The following ASB18 variants were observed in gnomAD, a reference collection of about 807,000 sequenced individuals.
The protein encoded by ASB18 is ankyrin repeat and SOCS box protein 18.
Under a neutral mutation model 33.4 loss-of-function variants are expected in ASB18, and 33 were observed. That is an observed-to-expected ratio of 0.99 (90% confidence interval 0.75 to 1.32). ASB18 has a LOEUF of 1.32. Among genes scored for constraint, ASB18 ranks in the 40% most tolerant of loss-of-function variants. The pLI, the probability that ASB18 is intolerant of heterozygous loss-of-function variation, is 0.00. For missense variants in ASB18, 694 were observed against 655.5 expected, an observed-to-expected ratio of 1.06 and a Z score of -0.64; for synonymous variants, 295 against 307.6, an observed-to-expected ratio of 0.96 and a Z score of 0.43.
rs2060502161 is a variant in ASB18 at position 236,219,677 on chromosome 2, G to C, written c.597-4811C>G. The stretch of plus-strand genomic sequence containing the variant: ...TGTTTGTCATTTCATTGCCTTCTCT[G>C]TATCAATGCCACCAGTGGAAGAAGA... On this transcript the variant is annotated intron_variant, in intron 3 of 5. Coordinates refer to ENST00000409749, the MANE Select transcript of ASB18 (RefSeq NM_212556.4). The surrounding 1 kb of genome is among the most constrained non-coding windows in gnomAD (Gnocchi z 6.4). Among the ~76,000 whole-genome samples, 1 of 152,182 alleles carries C rather than the reference G, an allele frequency of 6.6e-6. No individual in the cohort carries two copies. The highest frequency in any genetic ancestry group is 2.4e-5 in the African/African-American group (1 of 41,446).
chr2:236,218,642 C>CA (rs2060498489), intron 3 of ASB18, among the ~76,000 whole-genome samples: 1 of 151,602 alleles, frequency 6.6e-6, no homozygotes. Context: ...ACTAAAAATA[C>CA]AAAAAATTAG....
Position 236,231,590 on chromosome 2 carries a change from T to C in ASB18, c.596+6099A>G, listed in dbSNP as rs2060565583. ...TTGGACTTCCCAGCCTCCAGGACTG[T>C]GAGAAATACATTTTTATTATCATCA... On this transcript the variant is annotated intron_variant, in intron 3 of 5. Coordinates refer to ENST00000409749, the MANE Select transcript of ASB18 (RefSeq NM_212556.4). This position sits in a 1 kb window ranked among gnomAD's most constrained non-coding sequence, Gnocchi z 5.5. 6.6e-6 allele frequency among the ~76,000 whole-genome samples: 1 copy of C among 152,188 alleles called. No homozygotes were observed. Among genetic ancestry groups the C allele is most frequent in the Non-Finnish European group, 1.5e-5 (1 of 68,040 alleles).
rs1216549144 is a variant in ASB18 at position 236,235,369 on chromosome 2, G to A, written c.596+2320C>T. Among the ~76,000 whole-genome samples, 3 of 152,232 alleles carry A rather than the reference G, an allele frequency of 2.0e-5. No individual in the cohort carries two copies. The highest frequency in any genetic ancestry group is 6.5e-5 in the Admixed American group (1 of 15,286). On this transcript the variant is annotated intron_variant, in intron 3 of 5. Transcript: ENST00000409749. The surrounding 1 kb of genome is among the most constrained non-coding windows in gnomAD (Gnocchi z 6.2). ...CTTAATCATATAGCCTAGGTGGGCA[G>A]TAGGCTATGCCATCCTGGTTTGTGT...
At position 236,204,605 on chromosome 2, in the gene ASB18, T is replaced by C. The variant is rs201349959; in HGVS notation, c.1102-8220A>G. Reference sequence around the variant, plus strand: ...GGGCTTCGATATCCAGCTGCTTACATTGTAGCTACACCTGGCTGTATCCCA... The same window carrying C: ...GGGCTTCGATATCCAGCTGCTTACACTGTAGCTACACCTGGCTGTATCCCA... On this transcript the variant is annotated intron_variant, in intron 4 of 5. Coordinates refer to ENST00000409749, the MANE Select transcript of ASB18 (RefSeq NM_212556.4). This position sits in a 1 kb window ranked among gnomAD's most constrained non-coding sequence, Gnocchi z 5.1. Among the ~76,000 whole-genome samples the C allele has an allele frequency of 5.3e-5, 8 of 152,310 alleles. No homozygotes were observed. In the East Asian group the frequency reaches 1.4e-3, roughly 26 times the overall value.
At chr2:236,242,625 A>AT (rs750746306) in intron 1 of ASB18, among the ~76,000 whole-genome samples, 1 of 151,630 alleles carries the variant, frequency 6.6e-6, no homozygotes, top group African/African-American at 2.4e-5. Context: ...CGCCCTGCTA[A>AT]TTTTTTTTTA....
chr2:236,214,878 C>T lies in ASB18; in HGVS notation c.597-12G>A, dbSNP rs536010190. 39 of 1,209,898 alleles carry T rather than the reference C, an allele frequency of 3.2e-5. No homozygotes were observed. The African/African-American group carries it at 6.0e-4, about 19-fold the overall frequency. The allele number at this position is 1,209,898 out of a possible 1,614,324, so 74.9% of individuals were successfully genotyped here. On this transcript the variant is annotated splice_polypyrimidine_tract_variant and intron_variant, in intron 3 of 5. Transcript: ENST00000409749. This position sits in a 1 kb window ranked among gnomAD's most constrained non-coding sequence, Gnocchi z 6.5. ...GCGCCTGCGCGCACCTGTGGGAAGCCAGGGCCTGTCACTCGGGCGCCACGC... is the reference window on the plus strand; with the variant it reads ...GCGCCTGCGCGCACCTGTGGGAAGCTAGGGCCTGTCACTCGGGCGCCACGC...
rs183905935 is a variant in ASB18 at position 236,251,862 on chromosome 2, A to G, written c.206-10460T>C. Among the ~76,000 whole-genome samples the G allele has an allele frequency of 2.0e-5, 3 of 152,342 alleles. No homozygotes were observed. Among genetic ancestry groups the G allele is most frequent in the East Asian group, 3.9e-4 (2 of 5,188 alleles). Reference sequence around the variant, plus strand: ...AGTTTTTGAAGAGTTCAGTGACACTAATCCTCTCCCAGTTTGCAGGTGGGA... The same window carrying G: ...AGTTTTTGAAGAGTTCAGTGACACTGATCCTCTCCCAGTTTGCAGGTGGGA... On this transcript the variant is annotated intron_variant, in intron 1 of 5. Coordinates refer to ENST00000409749, the MANE Select transcript of ASB18 (RefSeq NM_212556.4). The surrounding 1 kb of genome is among the most constrained non-coding windows in gnomAD (Gnocchi z 5.3).
intron 4 of ASB18, among the ~76,000 whole-genome samples, chr2:236,199,701 A>G (rs2060390768): frequency 6.6e-6 from 1 of 151,898 alleles, no homozygotes; most frequent in Admixed American, 6.6e-5. Flanking sequence ...TCTCTTAATA[A>G]ATTTGGTTTA....
At chr2:236,243,934 C>A (rs1368992032) in intron 1 of ASB18, among the ~76,000 whole-genome samples, 1 of 152,102 alleles carries the variant, frequency 6.6e-6, no homozygotes, top group African/African-American at 2.4e-5. Flanking sequence ...TCCAGCGATT[C>A]TCTTGCCTCA....
In ASB18 at chr2:236,234,122, T is replaced by G. The variant is rs1487419366; in HGVS notation, c.596+3567A>C. On this transcript the variant is annotated intron_variant, in intron 3 of 5. Transcript: ENST00000409749. This position sits in a 1 kb window ranked among gnomAD's most constrained non-coding sequence, Gnocchi z 4.1. ...TGGCACCTTGGTGACCCTGCACATA[T>G]CCACATAGGCCACAAAGCAAAACTG... Among the ~76,000 whole-genome samples the G allele has an allele frequency of 2.0e-5, 3 of 152,214 alleles. No homozygotes were observed. The highest frequency in any genetic ancestry group is 7.2e-5 in the African/African-American group (3 of 41,454).
In ASB18 at chr2:236,204,909, C is replaced by T. The variant is rs145976863; in HGVS notation, c.1102-8524G>A. 1.8e-3 allele frequency among the ~76,000 whole-genome samples: 267 copies of T among 152,308 alleles called. No homozygotes were observed. Among genetic ancestry groups the T allele is most frequent in the Admixed American group, 5.5e-3 (84 of 15,294 alleles). On this transcript the variant is annotated intron_variant, in intron 4 of 5. Transcript: ENST00000409749. The surrounding 1 kb of genome is among the most constrained non-coding windows in gnomAD (Gnocchi z 5.1). The stretch of plus-strand genomic sequence containing the variant: ...CAGTCTCTTGGGCTAGAATCAGAGT[C>T]GTCCATTGCTCCTGTTTCTCCTACA...
Position 236,217,424 on chromosome 2 carries a change from A to AAAAAAAAAAAAT in ASB18, c.597-2559_597-2558insATTTTTTTTTTT, listed in dbSNP as rs1553600511. On this transcript the variant is annotated intron_variant, in intron 3 of 5. Coordinates refer to ENST00000409749, the MANE Select transcript of ASB18 (RefSeq NM_212556.4). This position sits in a 1 kb window ranked among gnomAD's most constrained non-coding sequence, Gnocchi z 5.2. Reference sequence around the variant, plus strand: ...CGAGACTCTGTCTCAAAAAAAAAAAAAAATAAATCTTGGCACCTTCAACTC... The same window carrying AAAAAAAAAAAAT: ...CGAGACTCTGTCTCAAAAAAAAAAAAAAAAAAAAAAATAAATAAATCTTGGCACCTTCAACTC... Among the ~76,000 whole-genome samples the AAAAAAAAAAAAT allele has an allele frequency of 6.7e-6, 1 of 150,306 alleles. No homozygotes were observed. Among genetic ancestry groups the AAAAAAAAAAAAT allele is most frequent in the African/African-American group, 2.5e-5 (1 of 40,404 alleles).
At chr2:236,202,395 G>GTTTTT (rs3033899) in intron 4 of ASB18, among the ~76,000 whole-genome samples, 20 of 151,566 alleles carry the variant, frequency 1.3e-4, no homozygotes, top group Non-Finnish European at 2.8e-4. Context: ...TATTCTTTTT[G>GTTTTT]TTTTCTGCTT....
chr2:236,203,887 C>CCAAGCAACCAACCAAT lies in ASB18; in HGVS notation c.1102-7503_1102-7502insATTGGTTGGTTGCTTG, dbSNP rs1553599332. ...CTCTCAAAAACCAAACCAAACCAAA[C>CCAAGCAACCAACCAAT]CAACCAACCAACCAACCAACCAACC... is the stretch of plus-strand genomic sequence containing the variant. On this transcript the variant is annotated intron_variant, in intron 4 of 5. Transcript: ENST00000409749. This position sits in a 1 kb window ranked among gnomAD's most constrained non-coding sequence, Gnocchi z 6.0. Among the ~76,000 whole-genome samples, 3 of 151,156 alleles carry CCAAGCAACCAACCAAT rather than the reference C, an allele frequency of 2.0e-5. No individual in the cohort carries two copies. The highest frequency in any genetic ancestry group is 7.3e-5 in the African/African-American group (3 of 40,898).
rs1194530525 is a variant in ASB18, at chr2:236,253,023, G to A, written c.205+11118C>T. On this transcript the variant is annotated intron_variant, in intron 1 of 5. Transcript: ENST00000409749. This position sits in a 1 kb window ranked among gnomAD's most constrained non-coding sequence, Gnocchi z 5.4. The stretch of plus-strand genomic sequence containing the variant: ...ATCTCTGTTCCAGAGCTGCCCCTGG[G>A]GTCAGCCAAGGCATGGTTAGGTGGC... Among the ~76,000 whole-genome samples, 1 of 152,186 alleles carries A rather than the reference G, an allele frequency of 6.6e-6. No homozygotes were observed. The highest frequency in any genetic ancestry group is 1.5e-5 in the Non-Finnish European group (1 of 68,036).
rs183388993 is a variant in ASB18 at position 236,245,844 on chromosome 2, C to T, written c.206-4442G>A. On this transcript the variant is annotated intron_variant, in intron 1 of 5. Transcript: ENST00000409749. This position sits in a 1 kb window ranked among gnomAD's most constrained non-coding sequence, Gnocchi z 4.7. The stretch of plus-strand genomic sequence containing the variant: ...GTGAAGAGAACGAATGGACTGGACT[C>T]TTTGAAACTTGCTCAACATTAAAGC... 1.3e-5 allele frequency among the ~76,000 whole-genome samples: 2 copies of T among 152,346 alleles called. No homozygotes were observed. The highest frequency in any genetic ancestry group is 1.3e-4 in the Admixed American group (2 of 15,306).
At chr2:236,201,178 G>T (rs189585362) in intron 4 of ASB18, among the ~76,000 whole-genome samples, 1 of 151,022 alleles carries the variant, frequency 6.6e-6, no homozygotes, top group East Asian at 2.0e-4. Flanking sequence ...TTGAGACAGG[G>T]TCTTGCTCTG....
At position 236,257,166 on chromosome 2, in the gene ASB18, T is replaced by G. The variant is rs538295787; in HGVS notation, c.205+6975A>C. On this transcript the variant is annotated intron_variant, in intron 1 of 5. Transcript: ENST00000409749. The surrounding 1 kb of genome is among the most constrained non-coding windows in gnomAD (Gnocchi z 5.5). ...TTGCAATCAGCGTTAATTAAGAAGA[T>G]GGGACAATAATTTGTGCATAATTCC... Among the ~76,000 whole-genome samples the G allele has an allele frequency of 6.6e-6, 1 of 152,364 alleles. No individual in the cohort carries two copies. The highest frequency in any genetic ancestry group is 2.1e-4 in the South Asian group (1 of 4,820).
chr2:236,241,434 C>T lies in ASB18; in HGVS notation c.206-32G>A, dbSNP rs369848474. On this transcript the variant is annotated intron_variant, in intron 1 of 5. Coordinates refer to ENST00000409749, the MANE Select transcript of ASB18 (RefSeq NM_212556.4). This position sits in a 1 kb window ranked among gnomAD's most constrained non-coding sequence, Gnocchi z 4.2. ...CCAGGGCAGTGTGGTACTCCTGCAC[C>T]GGGGACCCTGCTCTAGCTTGAGGAT... The T allele has an allele frequency of 8.7e-5, 140 of 1,613,354 alleles. No individual in the cohort carries two copies. The African/African-American group carries it at 9.7e-4, about 11-fold the overall frequency.
Sources: allele counts gnomAD v4.1 joint callset (sites outside exome capture counted in the v4.1 genomes callset), GRCh38; gene constraint gnomAD v4.1.1; non-coding constraint Gnocchi (gnomAD v3.1); transcripts MANE v1.5; gene names NCBI Gene and HGNC (gene_info 2026-07-23, HGNC 2026-07-21).